DPP10: variants seen among roughly 807,000 people sequenced by gnomAD.
DPP10 encodes dipeptidyl peptidase like 10.
DPP10 carries 33 observed loss-of-function variants against 120.9 expected under a neutral mutation model. That is an observed-to-expected ratio of 0.27 (90% confidence interval 0.21 to 0.37). The LOEUF is 0.37. DPP10 is among the 10% of genes least tolerant of loss of function. DPP10 has a pLI of 1.00. For synonymous variants in DPP10, 337 were observed against 326.1 expected (o/e 1.03, Z -0.36); for missense variants, 816 against 942.8 (o/e 0.87, Z 1.76).
At chr2:114,466,889 T>C (rs59518635) in intron 1 of DPP10, among the ~76,000 whole-genome samples, 2,257 of 152,058 alleles carry the variant, frequency 0.015, 54 homozygotes, top group African/African-American at 0.052. Flanking sequence ...ACTAAAAATA[T>C]AGAAAACTAT....
intron 5 of DPP10, among the ~76,000 whole-genome samples, chr2:115,641,574 T>A (rs200901210): frequency 1.3e-5 from 2 of 152,312 alleles, no homozygotes; most frequent in East Asian, 3.9e-4. Flanking sequence ...ACCGTACTTA[T>A]CACTGTCTGA....
intron 1 of DPP10, among the ~76,000 whole-genome samples, chr2:114,526,632 G>T (rs1261537581): frequency 6.6e-6 from 1 of 152,156 alleles, no homozygotes; most frequent in Admixed American, 6.5e-5. Context: ...AGATATGGCA[G>T]ATTTAGTGCC....
chr2:115,103,946 G>A (rs925771424), intron 1 of DPP10, among the ~76,000 whole-genome samples: 3 of 152,066 alleles, frequency 2.0e-5, no homozygotes, highest in African/African-American at 7.2e-5. Context: ...TACCTAATGA[G>A]ATATCTTTGG....
intron 1 of DPP10, among the ~76,000 whole-genome samples, chr2:114,702,287 T>G (rs1700430109): frequency 6.6e-6 from 1 of 151,966 alleles, no homozygotes; most frequent in Admixed American, 6.6e-5. Flanking sequence ...AGGAAGCAAG[T>G]TTTGAAGTGA....
At chr2:115,774,721 C>T (rs1681889639) in intron 13 of DPP10, among the ~76,000 whole-genome samples, 1 of 152,046 alleles carries the variant, frequency 6.6e-6, no homozygotes, top group Non-Finnish European at 1.5e-5. Context: ...ATAAAATAGA[C>T]TACTTAGGGA....
chr2:115,131,453 C>A (rs572279957), intron 1 of DPP10, among the ~76,000 whole-genome samples: 28 of 152,046 alleles, frequency 1.8e-4, no homozygotes, highest in Non-Finnish European at 3.4e-4. Context: ...GTCAAGGCTG[C>A]AGTGAGCCCT....
In DPP10 at chr2:115,170,247, A is replaced by C. The variant is rs112542579; in HGVS notation, c.61-138992A>C. Among the ~76,000 whole-genome samples the C allele has an allele frequency of 5.2e-3, 789 of 152,314 alleles. 4 individuals carry two copies. The highest frequency in any genetic ancestry group is 9.8e-3 in the Non-Finnish European group (668 of 68,024). On this transcript the variant is annotated intron_variant, in intron 1 of 25. Transcript: ENST00000410059. ...TAATGTAAGTTAATCAATGCAAAAC[A>C]TGGCTCTTTTTTTTCACTTCACATG...
intron 1 of DPP10, among the ~76,000 whole-genome samples, chr2:114,734,175 A>G (rs1279378196): frequency 6.6e-6 from 1 of 152,210 alleles, no homozygotes; most frequent in Non-Finnish European, 1.5e-5. Context: ...TTTTATGGGA[A>G]AAACCCACAT....
intron 5 of DPP10, among the ~76,000 whole-genome samples, chr2:115,642,798 C>G (rs954917656): frequency 6.6e-6 from 1 of 151,954 alleles, no homozygotes; most frequent in Non-Finnish European, 1.5e-5. Context: ...CTGATACAGA[C>G]ACATTTCTGA....
At chr2:114,672,025 G>A (rs896881484) in intron 1 of DPP10, among the ~76,000 whole-genome samples, 1 of 152,016 alleles carries the variant, frequency 6.6e-6, no homozygotes, top group African/African-American at 2.4e-5. Context: ...TTTTTCTTCA[G>A]TCCTATATTC....
rs75600414 is a variant in DPP10, at chr2:115,249,298, C to T, written c.61-59941C>T. Among the ~76,000 whole-genome samples the T allele has an allele frequency of 4.2e-3, 641 of 152,046 alleles. 2 individuals are homozygous for T. Among genetic ancestry groups the T allele is most frequent in the African/African-American group, 0.015 (609 of 41,488 alleles). On this transcript the variant is annotated intron_variant, in intron 1 of 25. Coordinates refer to ENST00000410059, the MANE Select transcript of DPP10 (RefSeq NM_020868.6). ...TCAAACAGATTATGTTCATATATAG[C>T]GATTAGGAAAAGCCTTGTAAAAATT...
chr2:114,921,978 A>G (rs1558881868), intron 1 of DPP10, among the ~76,000 whole-genome samples: 1 of 152,250 alleles, frequency 6.6e-6, no homozygotes, highest in Non-Finnish European at 1.5e-5. Context: ...TGCCTTTATC[A>G]TAATATTATG....
At chr2:115,279,655 CTTTT>C (rs70941039) in intron 1 of DPP10, among the ~76,000 whole-genome samples, 16 of 42,712 alleles carry the variant, frequency 3.7e-4, no homozygotes, top group Non-Finnish European at 1.1e-4. Flanking sequence ...TTTTCTTCTT[CTTTT>C]TTTTTTTTTT....
At chr2:115,186,754 A>G (rs1285579412) in intron 1 of DPP10, among the ~76,000 whole-genome samples, 1 of 152,148 alleles carries the variant, frequency 6.6e-6, no homozygotes, top group Non-Finnish European at 1.5e-5. Context: ...TGTCATGGAA[A>G]TTGTTGTCCT....
At chr2:115,510,181 C>T (rs1209122026) in intron 4 of DPP10, among the ~76,000 whole-genome samples, 1 of 151,966 alleles carries the variant, frequency 6.6e-6, no homozygotes, top group African/African-American at 2.4e-5. Flanking sequence ...TTTTGATGCA[C>T]CAGATTTAAA....
At chr2:115,191,064 C>T (rs542580207) in intron 1 of DPP10, among the ~76,000 whole-genome samples, 2 of 152,248 alleles carry the variant, frequency 1.3e-5, no homozygotes, top group Admixed American at 6.5e-5. Flanking sequence ...TTCCCTGAGA[C>T]TTCTGCTCCT....
At chr2:115,387,877 C>T (rs2067055822) in intron 3 of DPP10, among the ~76,000 whole-genome samples, 1 of 151,958 alleles carries the variant, frequency 6.6e-6, no homozygotes, top group East Asian at 1.9e-4. Flanking sequence ...ACAATTAAAT[C>T]AACAATATGT....
intron 1 of DPP10, among the ~76,000 whole-genome samples, chr2:114,795,271 T>A (rs1193646252): frequency 6.6e-6 from 1 of 151,088 alleles, no homozygotes; most frequent in East Asian, 1.9e-4. Context: ...GAGGCTGAGG[T>A]GGAGAGTTTG....
At chr2:115,038,888 C>T (rs892000805) in intron 1 of DPP10, among the ~76,000 whole-genome samples, 4 of 152,180 alleles carry the variant, frequency 2.6e-5, no homozygotes, top group Non-Finnish European at 4.4e-5. Context: ...AACCTCTATG[C>T]TATCCTAATG....
Sources: allele counts gnomAD v4.1 joint callset (sites outside exome capture counted in the v4.1 genomes callset), GRCh38; gene constraint gnomAD v4.1.1; transcripts MANE v1.5; gene names NCBI Gene and HGNC (gene_info 2026-07-23, HGNC 2026-07-21).